Variants in PLXDC2 observed in about 807,000 individuals in gnomAD.
The protein encoded by PLXDC2 is plexin domain containing 2.
PLXDC2 carries 40 observed loss-of-function variants against 68.9 expected under a neutral mutation model. The ratio of observed to expected loss-of-function variants is 0.58; its 90% CI spans 0.45 to 0.76. The LOEUF (loss-of-function observed/expected upper bound fraction) is 0.76, where lower values mean the gene tolerates loss of function less well. Ranked by LOEUF, PLXDC2 falls within the 30% of genes least tolerant of loss-of-function variation. The pLI is 0.00. For missense variants in PLXDC2, 644 were observed against 661.9 expected (o/e 0.97, Z 0.30); for synonymous variants, 243 against 234.2 (o/e 1.04, Z -0.34).
At chr10:20,244,043 C>T (rs183892048) in intron 12 of PLXDC2, among the ~76,000 whole-genome samples, 157 of 150,972 alleles carry the variant, frequency 1.0e-3, no homozygotes, top group Non-Finnish European at 1.7e-3. Flanking sequence ...TGGGCCTGGA[C>T]GACAGAGCGA....
rs1836193595 is a variant in PLXDC2 at position 20,288,844 on chromosome 10, T to C, written c.*9025T>C. 6.6e-6 allele frequency: 1 copy of C among 152,150 alleles called. No homozygotes were observed. Among genetic ancestry groups the C allele is most frequent in the African/African-American group, 2.4e-5 (1 of 41,436 alleles). The allele number at this position is 152,150 out of a possible 1,614,324, so 9.4% of individuals were successfully genotyped here. A position where few individuals can be genotyped will look rare whatever the true frequency, so the allele number is the denominator to read the frequency against. Reference sequence around the variant, plus strand: ...GACTGCCTCAGTGACACAATTTATCTTTAAAGGTGTGGAAGCTGGTGGGGA... The same window carrying C: ...GACTGCCTCAGTGACACAATTTATCCTTAAAGGTGTGGAAGCTGGTGGGGA... On this transcript the variant is annotated 3_prime_UTR_variant, in exon 14 of 14. Transcript: ENST00000377252.
chr10:20,115,404 G>T, intron 4 of PLXDC2, among the ~76,000 whole-genome samples: 1 of 152,024 alleles, frequency 6.6e-6, no homozygotes, highest in East Asian at 1.9e-4. Context: ...GCCCCTATTT[G>T]GTAACAACAG....
At chr10:19,964,538 A>G (rs146004787) in intron 1 of PLXDC2, among the ~76,000 whole-genome samples, 6 of 152,334 alleles carry the variant, frequency 3.9e-5, no homozygotes, top group African/African-American at 1.4e-4. Context: ...TAGGAAATAT[A>G]ATAAGCACAC....
At chr10:20,148,158 C>G (rs1834103681) in intron 6 of PLXDC2, among the ~76,000 whole-genome samples, 7 of 151,876 alleles carry the variant, frequency 4.6e-5, no homozygotes, top group Admixed American at 4.6e-4. Flanking sequence ...ATTATATTGA[C>G]TAATTATTGA....
intron 4 of PLXDC2, among the ~76,000 whole-genome samples, chr10:20,120,590 G>A (rs887743580): frequency 1.3e-4 from 20 of 152,092 alleles, no homozygotes; most frequent in African/African-American, 4.3e-4. Context: ...AGACCCTGTA[G>A]GAAAGGCCTC....
At chr10:19,827,563 TC>T (rs917755417) in intron 1 of PLXDC2, among the ~76,000 whole-genome samples, 1 of 86,924 alleles carries the variant, frequency 1.2e-5, no homozygotes, top group Non-Finnish European at 2.3e-5. Context: ...TTTTTCTTTT[TC>T]TTTTTTTTTT....
At chr10:19,880,546 A>T (rs1380074502) in intron 1 of PLXDC2, among the ~76,000 whole-genome samples, 2 of 152,194 alleles carry the variant, frequency 1.3e-5, no homozygotes, top group Non-Finnish European at 2.9e-5. Context: ...TTCAGACAGG[A>T]GTTTGAATGT....
chr10:20,137,104 C>T (rs1011164888), intron 4 of PLXDC2, among the ~76,000 whole-genome samples: 4 of 152,294 alleles, frequency 2.6e-5, no homozygotes, highest in Middle Eastern at 3.4e-3. Context: ...CAGATAGATA[C>T]ATGTCATACA....
chr10:20,002,405 G>A (rs764120267), intron 2 of PLXDC2, among the ~76,000 whole-genome samples: 7 of 151,998 alleles, frequency 4.6e-5, no homozygotes, highest in East Asian at 3.9e-4. Context: ...GACTACAGGC[G>A]CATGCCACCA....
At chr10:20,190,588 A>C (rs1156746547) in intron 9 of PLXDC2, among the ~76,000 whole-genome samples, 2 of 86,206 alleles carry the variant, frequency 2.3e-5, no homozygotes, top group Non-Finnish European at 4.6e-5. Context: ...CTAGAACTTA[A>C]AGTGTAATAA....
At chr10:20,095,197 T>G (rs1041878382) in intron 4 of PLXDC2, among the ~76,000 whole-genome samples, 2 of 152,206 alleles carry the variant, frequency 1.3e-5, no homozygotes, top group African/African-American at 4.8e-5. Context: ...TTTCTTTTCT[T>G]GTGAAATCAG....
Position 19,844,830 on chromosome 10 carries a change from C to A in PLXDC2, c.112+27639C>A, listed in dbSNP as rs574014742. 7.5e-3 allele frequency among the ~76,000 whole-genome samples: 1,144 copies of A among 152,198 alleles called. 17 individuals are homozygous for A. Among genetic ancestry groups the A allele is most frequent in the African/African-American group, 0.026 (1,086 of 41,552 alleles). Reference sequence around the variant, plus strand: ...ATGTTGTCCAGGCTGGTCTTGAACTCCTGAGCTCTGGCCTTGGCCTCCCAA... The same window carrying A: ...ATGTTGTCCAGGCTGGTCTTGAACTACTGAGCTCTGGCCTTGGCCTCCCAA... On this transcript the variant is annotated intron_variant, in intron 1 of 13. Coordinates refer to ENST00000377252, the MANE Select transcript of PLXDC2 (RefSeq NM_032812.9).
rs773722534 is a variant in PLXDC2, at chr10:20,279,785, A to G, written c.1556A>G (p.Glu519Gly). 1.2e-6 allele frequency: 2 copies of G among 1,614,026 alleles called. No homozygotes were observed. The highest frequency in any genetic ancestry group is 1.7e-6 in the Non-Finnish European group (2 of 1,179,918). ...PAYAEVEPVG[E>G]KEGFIVSEQC is the part of the protein sequence containing the mutation. ...TATGCTGAAGTTGAACCAGTTGGAG[A>G]GAAAGAAGGCTTTATTGTATCAGAG... Residue 519 changes from glutamate to glycine, a missense_variant, in exon 14 of 14, where the codon GAG (glutamate) becomes GGG (glycine). Transcript: ENST00000377252.
intron 11 of PLXDC2, among the ~76,000 whole-genome samples, chr10:20,218,356 A>C (rs1032674660): frequency 2.0e-5 from 3 of 152,176 alleles, no homozygotes; most frequent in Non-Finnish European, 4.4e-5. Flanking sequence ...ATTGGAATTT[A>C]ATTTGATATT....
intron 1 of PLXDC2, among the ~76,000 whole-genome samples, chr10:19,958,269 G>A (rs1834102748): frequency 6.6e-6 from 1 of 152,076 alleles, no homozygotes; most frequent in Non-Finnish European, 1.5e-5. Flanking sequence ...CTCTAAGAGA[G>A]ACACAAATAA....
At chr10:19,893,222 CA>C (rs1360676781) in intron 1 of PLXDC2, among the ~76,000 whole-genome samples, 1 of 152,098 alleles carries the variant, frequency 6.6e-6, no homozygotes, top group Non-Finnish European at 1.5e-5. Context: ...TGAATAAAAA[CA>C]TAATGCTGAA....
At chr10:20,243,027 T>C (rs911053939) in intron 12 of PLXDC2, among the ~76,000 whole-genome samples, 3 of 152,172 alleles carry the variant, frequency 2.0e-5, no homozygotes, top group African/African-American at 4.8e-5. Flanking sequence ...GTTAATTCTT[T>C]AACTGTTTTT....
At chr10:20,278,149 G>A (rs1380726318) in intron 13 of PLXDC2, among the ~76,000 whole-genome samples, 3 of 152,140 alleles carry the variant, frequency 2.0e-5, no homozygotes, top group Non-Finnish European at 4.4e-5. Flanking sequence ...ATAGCACAAT[G>A]TCTTTATGTA....
chr10:20,261,344 T>C (rs550849917), intron 13 of PLXDC2, among the ~76,000 whole-genome samples: 3 of 152,304 alleles, frequency 2.0e-5, no homozygotes, highest in Non-Finnish European at 2.9e-5. Context: ...AGCCTTTTAA[T>C]CCATTTTGAG....
Sources: allele counts gnomAD v4.1 joint callset (sites outside exome capture counted in the v4.1 genomes callset), GRCh38; gene constraint gnomAD v4.1.1; transcripts MANE v1.5; gene names NCBI Gene and HGNC (gene_info 2026-07-23, HGNC 2026-07-21).